The following ALK variants were observed in gnomAD, a reference collection of about 807,000 sequenced individuals.
The protein encoded by ALK is ALK receptor tyrosine kinase, also known as ALK tyrosine kinase receptor.
Under a neutral mutation model 163.1 loss-of-function variants are expected in ALK, and 74 were observed. The ratio of observed to expected loss-of-function variants is 0.45; its 90% CI spans 0.38 to 0.55. ALK has a LOEUF of 0.55. Ranked by LOEUF, ALK falls within the 20% of genes least tolerant of loss-of-function variation. The probability of loss-of-function intolerance (pLI) is 0.00; values close to 1 mark genes in which losing one functional copy is unlikely to be tolerated. For synonymous variants in ALK, 960 were observed against 843.2 expected, an observed-to-expected ratio of 1.14 and a Z score of -2.40; for missense variants, 2,063 against 2,105.3, an observed-to-expected ratio of 0.98 and a Z score of 0.39.
At chr2:29,845,286 C>T (rs1280808576) in intron 1 of ALK, among the ~76,000 whole-genome samples, 2 of 152,156 alleles carry the variant, frequency 1.3e-5, no homozygotes, top group Non-Finnish European at 2.9e-5. Context: ...ACAGTGATTC[C>T]CAAAGGGTGT....
chr2:29,566,488 A>G (rs1674193610), intron 3 of ALK, among the ~76,000 whole-genome samples: 1 of 152,188 alleles, frequency 6.6e-6, no homozygotes, highest in African/African-American at 2.4e-5. Context: ...TTAAGAAGTG[A>G]ACTCTAGACA....
intron 4 of ALK, among the ~76,000 whole-genome samples, chr2:29,432,429 G>A (rs537844446): frequency 5.3e-5 from 8 of 152,226 alleles, no homozygotes; most frequent in East Asian, 3.9e-4. Flanking sequence ...ATCAGAAGCC[G>A]AACAGATGCT....
At chr2:29,197,738 C>A (rs1020188175) in intron 26 of ALK, 62 bp from the exon 27 acceptor site, 8 of 1,298,124 alleles carry the variant, frequency 6.2e-6, no homozygotes, top group Non-Finnish European at 9.0e-6. Flanking sequence ...TTCACACACA[C>A]ACACAGGCAC....
chr2:29,252,709 A>AT (rs1664850755), intron 11 of ALK, among the ~76,000 whole-genome samples: 1 of 151,580 alleles, frequency 6.6e-6, no homozygotes, highest in South Asian at 2.1e-4. Context: ...TTATTTATTT[A>AT]TTTTTTGCAA....
At chr2:29,857,307 T>A (rs1268763600) in intron 1 of ALK, among the ~76,000 whole-genome samples, 1 of 152,154 alleles carries the variant, frequency 6.6e-6, no homozygotes, top group African/African-American at 2.4e-5. Flanking sequence ...AGCTGAGTTC[T>A]CAATTAAAAC....
chr2:29,909,152 G>A (rs947848508), intron 1 of ALK, among the ~76,000 whole-genome samples: 3 of 152,190 alleles, frequency 2.0e-5, no homozygotes, highest in East Asian at 1.9e-4. Context: ...ACAAGAACTA[G>A]CACTGCATGA....
At chr2:29,554,258 C>T (rs906528834) in intron 3 of ALK, among the ~76,000 whole-genome samples, 13 of 152,156 alleles carry the variant, frequency 8.5e-5, no homozygotes, top group African/African-American at 2.7e-4. Context: ...AAGGGAAAAC[C>T]TTTGTAAAGA....
chr2:29,278,431 A>C (rs937323904), intron 9 of ALK, among the ~76,000 whole-genome samples: 1 of 152,172 alleles, frequency 6.6e-6, no homozygotes, highest in Non-Finnish European at 1.5e-5. Context: ...GGGGACCAGG[A>C]GAGGAGGCAG....
At chr2:29,562,222 C>T (rs751116250) in intron 3 of ALK, among the ~76,000 whole-genome samples, 6 of 152,178 alleles carry the variant, frequency 3.9e-5, no homozygotes, top group Non-Finnish European at 8.8e-5. Flanking sequence ...ACATGTCTTT[C>T]CCAGTCTAAA....
At chr2:29,838,856 G>T (rs1299461627) in intron 1 of ALK, among the ~76,000 whole-genome samples, 1 of 152,124 alleles carries the variant, frequency 6.6e-6, no homozygotes, top group Non-Finnish European at 1.5e-5. Context: ...GGTGCATGCA[G>T]TTGTCAAAAC....
chr2:29,848,761 A>T (rs1271787013), intron 1 of ALK, among the ~76,000 whole-genome samples: 2 of 152,106 alleles, frequency 1.3e-5, no homozygotes, highest in East Asian at 3.9e-4. Flanking sequence ...TTGAGCACAT[A>T]TCCTGCGGGC....
intron 1 of ALK, among the ~76,000 whole-genome samples, chr2:29,889,434 A>T (rs1405739804): frequency 6.6e-6 from 1 of 152,158 alleles, no homozygotes; most frequent in Non-Finnish European, 1.5e-5. Context: ...TGTCTAGATT[A>T]TCAGGTGTTA....
At chr2:29,332,700 T>C (rs938872869) in intron 5 of ALK, among the ~76,000 whole-genome samples, 1 of 152,242 alleles carries the variant, frequency 6.6e-6, no homozygotes, top group Non-Finnish European at 1.5e-5. Flanking sequence ...GTTTTAAAAT[T>C]TTCCCATAAA....
chr2:29,716,153 T>C (rs1200839576), intron 2 of ALK, among the ~76,000 whole-genome samples: 2 of 152,298 alleles, frequency 1.3e-5, no homozygotes, highest in East Asian at 3.9e-4. Flanking sequence ...TAGGTAAATA[T>C]GCCCAGAAGG....
chr2:29,365,274 C>T (rs1668475608), intron 5 of ALK, among the ~76,000 whole-genome samples: 1 of 152,156 alleles, frequency 6.6e-6, no homozygotes, highest in African/African-American at 2.4e-5. Context: ...CCAGTTAGTG[C>T]CAAATGTGCA....
intron 9 of ALK, among the ~76,000 whole-genome samples, chr2:29,295,727 C>G (rs1363760833): frequency 6.6e-6 from 1 of 152,194 alleles, no homozygotes; most frequent in East Asian, 1.9e-4. Context: ...ACTAGCATCA[C>G]CCTCCACCTT....
intron 23 of ALK, among the ~76,000 whole-genome samples, chr2:29,217,387 T>TGGGTG (rs1669669189): frequency 2.7e-5 from 1 of 37,508 alleles, no homozygotes; most frequent in Non-Finnish European, 4.9e-5. Context: ...GCTGTGTGCA[T>TGGGTG]GGGTGGGGTG....
intron 4 of ALK, among the ~76,000 whole-genome samples, chr2:29,400,947 C>T (rs990049814): frequency 1.7e-4 from 26 of 151,928 alleles, no homozygotes; most frequent in African/African-American, 6.3e-4. Flanking sequence ...TGCACTCCAG[C>T]CTGGGCAAAC....
At chr2:29,455,444 T>C (rs886596709) in intron 4 of ALK, among the ~76,000 whole-genome samples, 1 of 152,164 alleles carries the variant, frequency 6.6e-6, no homozygotes, top group South Asian at 2.1e-4. Flanking sequence ...GGGACAGAAA[T>C]GGATGTTGTT....
Sources: gnomAD v4.1 joint callset for allele counts (sites outside exome capture counted in the v4.1 genomes callset) on GRCh38, gnomAD v4.1.1 for gene constraint, MANE v1.5 for transcripts, NCBI Gene and HGNC (gene_info 2026-07-23, HGNC 2026-07-21) for gene names.